DNAH2: variants seen among roughly 807,000 people sequenced by gnomAD.
The protein encoded by DNAH2 is dynein axonemal heavy chain 2.
In DNAH2, 323 loss-of-function variants were observed where a neutral mutation model predicts 523.5. That is an observed-to-expected ratio of 0.62 (90% CI 0.56 to 0.68). DNAH2 has a LOEUF of 0.68. DNAH2 is among the 30% of genes least tolerant of loss of function. The probability of loss-of-function intolerance (pLI) is 0.00; values close to 1 mark genes in which losing one functional copy is unlikely to be tolerated. For synonymous variants in DNAH2, 2,093 were observed against 2,177.4 expected (o/e 0.96, Z 1.08); for missense variants, 4,907 against 5,701.5 (o/e 0.86, Z 4.49).
intron 3 of DNAH2, among the ~76,000 whole-genome samples, chr17:7,725,194 A>C (rs574714262): frequency 6.6e-6 from 1 of 151,060 alleles, no homozygotes; most frequent in Non-Finnish European, 1.5e-5. Flanking sequence ...GGCTCAAGTG[A>C]TTCTCATGTC....
At chr17:7,744,858 CA>C (rs1360812857) in intron 12 of DNAH2, among the ~76,000 whole-genome samples, 1 of 152,174 alleles carries the variant, frequency 6.6e-6, no homozygotes, top group African/African-American at 2.4e-5. Flanking sequence ...GTTATTGTGT[CA>C]GGGGAGCCGC....
chr17:7,764,565 A>G (rs2076101566), intron 20 of DNAH2, among the ~76,000 whole-genome samples: 1 of 149,788 alleles, frequency 6.7e-6, no homozygotes, highest in Non-Finnish European at 1.5e-5. Context: ...GGCTCAAGTG[A>G]TTCTCCTACT....
rs755891762 is a variant in DNAH2, at chr17:7,780,306, TC to T, written c.5850+24del. On this transcript the variant is annotated intron_variant, in intron 37 of 85. Coordinates refer to ENST00000572933, the MANE Select transcript of DNAH2 (RefSeq NM_020877.5). This position sits in a 1 kb window ranked among gnomAD's most constrained non-coding sequence, Gnocchi z 4.4. ...CAAGGTACTCCAATAACCCCTTTTC[TC>T]CAGTGATTTTAATTTCCTTTCATAA... is the stretch of plus-strand genomic sequence containing the variant. 6.2e-6 allele frequency: 10 copies of T among 1,613,544 alleles called. No individual in the cohort carries two copies. Among genetic ancestry groups the T allele is most frequent in the Non-Finnish European group, 8.5e-6 (10 of 1,179,884 alleles).
Position 7,780,251 on chromosome 17 carries a change from C to G in DNAH2, c.5817C>G (p.Ile1939Met), listed in dbSNP as rs1475043134. ...CTGACTCCACCCTCATTGCAGAAAT[C>G]ATTCTCTTTGGAGAGGGCTTTGGCA... Reference protein sequence around the residue: ...VVPDSTLIAEIILFGEGFGNC... With the variant: ...VVPDSTLIAEMILFGEGFGNC... The change falls in exon 37 of 86, where the codon ATC becomes ATG. Residue 1939 changes from isoleucine (I) to methionine (M), a missense_variant. Transcript: ENST00000572933. The surrounding 1 kb of genome is among the most constrained non-coding windows in gnomAD (Gnocchi z 4.4). 2.5e-6 allele frequency: 4 copies of G among 1,614,068 alleles called. No homozygotes were observed. The highest frequency in any genetic ancestry group is 1.6e-4 in the Middle Eastern group (1 of 6,084).
At position 7,833,613 on chromosome 17, in the gene DNAH2, C is replaced by G. The variant is rs753205275; in HGVS notation, c.*80C>G. On this transcript the variant is annotated 3_prime_UTR_variant, in exon 86 of 86. Coordinates refer to ENST00000572933, the MANE Select transcript of DNAH2 (RefSeq NM_020877.5). ...ACAGATGTTGCACCTAGGACTGAGG[C>G]CGGACCTCACTCAGACTTTGACCTT... 218 of 1,583,996 alleles carry G rather than the reference C, an allele frequency of 1.4e-4. No individual in the cohort carries two copies. Among genetic ancestry groups the G allele is most frequent in the Non-Finnish European group, 1.8e-4 (209 of 1,167,378 alleles).
At chr17:7,824,425 C>T in intron 76 of DNAH2, 112 bp from the exon 77 acceptor site, 2 of 1,414,794 alleles carry the variant, frequency 1.4e-6, no homozygotes, top group Non-Finnish European at 1.9e-6. Context: ...CCAGAAGTGG[C>T]AGATCTTAGT....
chr17:7,740,604 C>G, intron 10 of DNAH2, 55 bp downstream of exon 10: 1 of 1,599,798 alleles, frequency 6.3e-7, no homozygotes, highest in Non-Finnish European at 8.5e-7. Context: ...TTCCTGGAGT[C>G]CCTCCTTCCG....
In DNAH2 at chr17:7,786,888, T is replaced by C. The variant is rs774414410; in HGVS notation, c.6467-9T>C. 52 of 1,614,208 alleles carry C rather than the reference T, an allele frequency of 3.2e-5. No individual in the cohort carries two copies. In the South Asian group the frequency reaches 3.5e-4, roughly 11 times the overall value. The stretch of plus-strand genomic sequence containing the variant: ...TCCCCGGTTTCCTCATCACCCACCA[T>C]CTACTCAGATGAGAAACCCGACGAG... On this transcript the variant is annotated splice_polypyrimidine_tract_variant and intron_variant, in intron 41 of 85. Transcript: ENST00000572933. This position sits in a 1 kb window ranked among gnomAD's most constrained non-coding sequence, Gnocchi z 7.5.
Position 7,794,303 on chromosome 17 carries a change from T to C in DNAH2, c.7619T>C (p.Val2540Ala), listed in dbSNP as rs2077003882. ...GGCCCCCCTGGGGGTGGACGGACTGTCATCTCCCCAAGGCTACGGAGTCGC... is the reference window on the plus strand; with the variant it reads ...GGCCCCCCTGGGGGTGGACGGACTGCCATCTCCCCAAGGCTACGGAGTCGC... ...AMGPPGGGRT[V>A]ISPRLRSRFN... Residue 2540 changes from valine to alanine, a missense_variant, in exon 49 of 86, where the codon GTC becomes GCC. Coordinates refer to ENST00000572933, the MANE Select transcript of DNAH2 (RefSeq NM_020877.5). The C allele has an allele frequency of 6.2e-7, 1 of 1,610,390 alleles. No homozygotes were observed. Among genetic ancestry groups the C allele is most frequent in the Non-Finnish European group, 8.5e-7 (1 of 1,178,468 alleles).
chr17:7,816,799 C>A, intron 64 of DNAH2, 64 bp downstream of exon 64: 1 of 1,575,080 alleles, frequency 6.3e-7, no homozygotes, highest in Non-Finnish European at 8.6e-7. Flanking sequence ...AGACCCATCC[C>A]TTTTAGCTTG....
chr17:7,764,326 C>T (rs972366732), intron 20 of DNAH2, 53 bp downstream of exon 20: 42 of 1,552,420 alleles, frequency 2.7e-5, no homozygotes, highest in African/African-American at 8.2e-5. Context: ...CAGCAGATTG[C>T]GGGGGAGGCC....
At position 7,718,330 on chromosome 17, in the gene DNAH2, C is replaced by G. The variant is rs1373045279; in HGVS notation, c.-484C>G. On this transcript the variant is annotated 5_prime_UTR_variant, in exon 1 of 86. Coordinates refer to ENST00000572933, the MANE Select transcript of DNAH2 (RefSeq NM_020877.5). ...TAGTTGGTTTTATTGATTTGCTGGC[C>G]TAACAGAACGTTTTTCCTTGGAGCA... 1 of 152,160 alleles carries G rather than the reference C, an allele frequency of 6.6e-6. No homozygotes were observed. Among genetic ancestry groups the G allele is most frequent in the Non-Finnish European group, 1.5e-5 (1 of 68,034 alleles). 9.4% of individuals were successfully genotyped at this position (152,160 alleles called of 1,614,324 possible). A position where few individuals can be genotyped will look rare whatever the true frequency, so the allele number is the denominator to read the frequency against.
chr17:7,832,615 C>G lies in DNAH2; in HGVS notation c.12763C>G (p.Arg4255Gly). The G allele has an allele frequency of 6.2e-7, 1 of 1,614,158 alleles. No individual in the cohort carries two copies. ...ACAAAAGCCATTGGCTGCCTGGACCCGGGACTTGGCCATGCGTGTGGAGCA... is the reference window on the plus strand; with the variant it reads ...ACAAAAGCCATTGGCTGCCTGGACCGGGGACTTGGCCATGCGTGTGGAGCA... ...PSQKPLAAWT[R>G]DLAMRVEQFE... The change falls in exon 83 of 86, where the codon CGG becomes GGG. Residue 4255 changes from arginine (R) to glycine (G), a missense_variant. Coordinates refer to ENST00000572933, the MANE Select transcript of DNAH2 (RefSeq NM_020877.5). The surrounding 1 kb of genome is among the most constrained non-coding windows in gnomAD (Gnocchi z 4.3).
intron 63 of DNAH2, among the ~76,000 whole-genome samples, chr17:7,811,883 G>T (rs1049435953): frequency 2.0e-5 from 3 of 152,174 alleles, no homozygotes; most frequent in Non-Finnish European, 4.4e-5. Flanking sequence ...CCCTGGAAAA[G>T]GATGTTGTTC....
In DNAH2 at chr17:7,764,618, G is replaced by A. The variant is rs957523669; in HGVS notation, c.3336+345G>A. ...TGGGAACACAGGCACACGCCACCAC[G>A]CCTTGCTGATTTTTGTATTTTTTGT... On this transcript the variant is annotated intron_variant, in intron 20 of 85. Transcript: ENST00000572933. Among the ~76,000 whole-genome samples, 26 of 151,154 alleles carry A rather than the reference G, an allele frequency of 1.7e-4. No homozygotes were observed. In the Middle Eastern group the frequency reaches 0.01, roughly 59 times the overall value.
chr17:7,720,925 A>C (rs971211719), intron 2 of DNAH2, among the ~76,000 whole-genome samples: 2 of 150,962 alleles, frequency 1.3e-5, no homozygotes, highest in Non-Finnish European at 2.9e-5. Flanking sequence ...TAAGGGAAGG[A>C]GCTTTAAAAT....
At chr17:7,727,876 C>T (rs1244024834) in intron 4 of DNAH2, among the ~76,000 whole-genome samples, 1 of 151,254 alleles carries the variant, frequency 6.6e-6, no homozygotes, top group Non-Finnish European at 1.5e-5. Context: ...GTTATGGGAG[C>T]AACTAATGGA....
rs757829622 is a variant in DNAH2 at position 7,787,976 on chromosome 17, A to G, written c.6720A>G (p.Ser2240=). Residue 2240 remains serine (S), a synonymous_variant, in exon 43 of 86, where the codon TCA becomes TCG. Transcript: ENST00000572933. The part of the protein sequence containing the change: ...ADLGWKPYVQ[S]WLEKRPKAEV... ...TGGGCTGGAAGCCCTATGTTCAGTC[A>G]TGGCTGGAGAAGAGGCCAAAGGTAT... 5 of 1,614,090 alleles carry G rather than the reference A, an allele frequency of 3.1e-6. No homozygotes were observed. In the African/African-American group the frequency reaches 5.3e-5, roughly 17 times the overall value.
intron 58 of DNAH2, among the ~76,000 whole-genome samples, chr17:7,803,218 C>T (rs960467879): frequency 1.4e-4 from 22 of 152,086 alleles, no homozygotes; most frequent in South Asian, 8.3e-4. Flanking sequence ...TGATGCTAAC[C>T]GAAAGCCCAG....
Sources: allele counts gnomAD v4.1 joint callset (sites outside exome capture counted in the v4.1 genomes callset), GRCh38; gene constraint gnomAD v4.1.1; non-coding constraint Gnocchi (gnomAD v3.1); transcripts MANE v1.5; gene names NCBI Gene and HGNC (gene_info 2026-07-23, HGNC 2026-07-21).